MAGI2: variants seen among roughly 807,000 people sequenced by gnomAD.
The protein encoded by MAGI2 is membrane associated guanylate kinase, WW and PDZ domain containing 2, also known as membrane-associated guanylate kinase, WW and PDZ domain-containing protein 2.
In MAGI2, 35 loss-of-function variants were observed where a neutral mutation model predicts 133.3. The observed-to-expected ratio is 0.26, with a 90% confidence interval of 0.20 to 0.35. MAGI2 has a LOEUF of 0.35. Ranked by LOEUF, MAGI2 falls within the 10% of genes least tolerant of loss-of-function variation. The probability of loss-of-function intolerance (pLI) is 1.00; values close to 1 mark genes in which losing one functional copy is unlikely to be tolerated. For missense variants in MAGI2, 1,636 were observed against 1,863.4 expected (o/e 0.88, Z 2.25); for synonymous variants, 729 against 710.6 (o/e 1.03, Z -0.41).
chr7:79,155,377 C>T (rs1389442146), intron 1 of MAGI2, among the ~76,000 whole-genome samples: 2 of 152,108 alleles, frequency 1.3e-5, no homozygotes, highest in Non-Finnish European at 2.9e-5. Context: ...GCACATAAGA[C>T]AAGGTTCCTA....
rs561658603 is a variant in MAGI2 at position 78,561,288 on chromosome 7, C to T, written c.539-39643G>A. Among the ~76,000 whole-genome samples the T allele has an allele frequency of 4.6e-5, 7 of 152,126 alleles. No homozygotes were observed. The East Asian group carries it at 5.8e-4, about 13-fold the overall frequency. On this transcript the variant is annotated intron_variant, in intron 3 of 21. Coordinates refer to ENST00000354212, the MANE Select transcript of MAGI2 (RefSeq NM_012301.4). ...GTTCTAGCAAGTACAAGATTCTGGG[C>T]AGGTGAGTAGGTAGTTGAAATAGAA...
intron 6 of MAGI2, among the ~76,000 whole-genome samples, chr7:78,396,667 T>C (rs935993154): frequency 2.0e-5 from 3 of 152,184 alleles, no homozygotes; most frequent in Admixed American, 6.6e-5. Context: ...TAATCTTCAC[T>C]TGAGACTCAT....
In MAGI2 at chr7:78,519,336, T is replaced by A. The variant is rs138819127; in HGVS notation, c.754+2094A>T. Among the ~76,000 whole-genome samples, 262 of 152,260 alleles carry A rather than the reference T, an allele frequency of 1.7e-3. 1 individual carries two copies. The highest frequency in any genetic ancestry group is 5.9e-3 in the African/African-American group (246 of 41,534). ...TGGTTTGAGACTGTTCGGCTCATTTTTGAACAGTGGGTGAAGGGCTGCCTG... is the reference window on the plus strand; with the variant it reads ...TGGTTTGAGACTGTTCGGCTCATTTATGAACAGTGGGTGAAGGGCTGCCTG... On this transcript the variant is annotated intron_variant, in intron 4 of 21. Transcript: ENST00000354212.
chr7:78,351,493 G>A (rs536334539), intron 7 of MAGI2, among the ~76,000 whole-genome samples: 2 of 151,994 alleles, frequency 1.3e-5, no homozygotes, highest in South Asian at 4.2e-4. Context: ...TTGAGAGAGG[G>A]AGTGAGAGGA....
At chr7:78,669,700 G>C (rs1471396733) in intron 2 of MAGI2, among the ~76,000 whole-genome samples, 1 of 152,082 alleles carries the variant, frequency 6.6e-6, no homozygotes, top group African/African-American at 2.4e-5. Context: ...GAATCCAGCA[G>C]CACATTCAAA....
chr7:79,261,230 T>A (rs779196965), intron 1 of MAGI2, among the ~76,000 whole-genome samples: 2 of 152,208 alleles, frequency 1.3e-5, no homozygotes, highest in Non-Finnish European at 2.9e-5. Context: ...ACTCTCTCAC[T>A]TCTTACATTC....
intron 1 of MAGI2, among the ~76,000 whole-genome samples, chr7:79,173,994 G>A (rs1048151004): frequency 3.3e-5 from 5 of 151,510 alleles, no homozygotes; most frequent in East Asian, 1.9e-4. Context: ...TATTTGAAAC[G>A]GAATGGGATG....
chr7:78,315,394 T>G (rs1218413489), intron 9 of MAGI2, among the ~76,000 whole-genome samples: 1 of 152,198 alleles, frequency 6.6e-6, no homozygotes, highest in Non-Finnish European at 1.5e-5. Context: ...ATGGAGTTCA[T>G]ACATCCTGTA....
chr7:78,860,486 C>G (rs1268766475), intron 2 of MAGI2, among the ~76,000 whole-genome samples: 2 of 152,176 alleles, frequency 1.3e-5, no homozygotes, highest in African/African-American at 4.8e-5. Context: ...AGCTGCAGGT[C>G]TGTGGGAGTT....
chr7:79,418,636 G>T (rs1039503718), intron 1 of MAGI2, among the ~76,000 whole-genome samples: 3 of 151,910 alleles, frequency 2.0e-5, no homozygotes, highest in African/African-American at 7.2e-5. Context: ...TCTGGAATTG[G>T]TCTTTCTACA....
intron 6 of MAGI2, among the ~76,000 whole-genome samples, chr7:78,440,238 A>T (rs1787474188): frequency 1.3e-5 from 2 of 152,158 alleles, no homozygotes; most frequent in African/African-American, 4.8e-5. Flanking sequence ...TAATTCAGGC[A>T]TGCATTCATT....
rs541158920 is a variant in MAGI2, at chr7:79,444,442, G to A, written c.301+8578C>T. On this transcript the variant is annotated intron_variant, in intron 1 of 21. Transcript: ENST00000354212. Reference sequence around the variant, plus strand: ...TCATCTCAGCCCAAAATCTCCTTAAGCTGATAAGCAACTTCAGCAAAGTCT... The same window carrying A: ...TCATCTCAGCCCAAAATCTCCTTAAACTGATAAGCAACTTCAGCAAAGTCT... Among the ~76,000 whole-genome samples, 16 of 152,212 alleles carry A rather than the reference G, an allele frequency of 1.1e-4. No individual in the cohort carries two copies. The East Asian group carries it at 3.1e-3, about 29-fold the overall frequency.
chr7:78,942,423 C>A (rs772149699), intron 2 of MAGI2, among the ~76,000 whole-genome samples: 1 of 152,024 alleles, frequency 6.6e-6, no homozygotes, highest in Non-Finnish European at 1.5e-5. Context: ...TTTAATAGTT[C>A]TTGCATTCTC....
At chr7:79,317,388 C>A (rs1260812353) in intron 1 of MAGI2, among the ~76,000 whole-genome samples, 2 of 152,024 alleles carry the variant, frequency 1.3e-5, no homozygotes, top group Admixed American at 6.6e-5. Flanking sequence ...ATTGAGATGC[C>A]AAACTGAAGT....
At chr7:78,340,935 T>C (rs535811819) in intron 9 of MAGI2, among the ~76,000 whole-genome samples, 14 of 152,308 alleles carry the variant, frequency 9.2e-5, no homozygotes, top group African/African-American at 3.4e-4. Flanking sequence ...CTATTCAACA[T>C]AGTATTGGAA....
At position 78,487,084 on chromosome 7, in the gene MAGI2, G is replaced by C. The variant is rs1194947727; in HGVS notation, c.1045+2677C>G. On this transcript the variant is annotated intron_variant, in intron 6 of 21. Transcript: ENST00000354212. Reference sequence around the variant, plus strand: ...GGGACTTTTGATAGGCTACGGTCCTGTTCTCCTGTGTATCACACTTAACTC... The same window carrying C: ...GGGACTTTTGATAGGCTACGGTCCTCTTCTCCTGTGTATCACACTTAACTC... The C allele has an allele frequency of 7.6e-6, 3 of 396,784 alleles. No homozygotes were observed. In the Admixed American group the frequency reaches 8.3e-5, roughly 11 times the overall value. The allele number at this position is 396,784 out of a possible 1,614,324, so 24.6% of individuals were successfully genotyped here. A position where few individuals can be genotyped will look rare whatever the true frequency, so the allele number is the denominator to read the frequency against.
intron 6 of MAGI2, among the ~76,000 whole-genome samples, chr7:78,373,215 G>A (rs10259046): frequency 0.25 from 38,614 of 152,072 alleles, 5,595 homozygotes; most frequent in East Asian, 0.46. Context: ...AAAGGGTCAA[G>A]GTCATGAAAG....
At chr7:78,288,058 A>G (rs1179348001) in intron 9 of MAGI2, among the ~76,000 whole-genome samples, 2 of 152,234 alleles carry the variant, frequency 1.3e-5, no homozygotes, top group East Asian at 3.9e-4. Flanking sequence ...TAAATGTGCA[A>G]GATAAATCCA....
chr7:78,210,386 A>G (rs1043826468), intron 10 of MAGI2, among the ~76,000 whole-genome samples: 1 of 152,304 alleles, frequency 6.6e-6, no homozygotes, highest in Middle Eastern at 3.4e-3. Context: ...GGGATGGAGA[A>G]GTACTATAAA....
Sources: allele counts gnomAD v4.1 joint callset (sites outside exome capture counted in the v4.1 genomes callset), GRCh38; gene constraint gnomAD v4.1.1; transcripts MANE v1.5; gene names NCBI Gene and HGNC (gene_info 2026-07-23, HGNC 2026-07-21).